Variants in FIGN observed in about 807,000 individuals in gnomAD.
FIGN encodes fidgetin.
A neutral mutation model predicts 51.3 loss-of-function variants in FIGN; 11 were observed. The ratio of observed to expected loss-of-function variants is 0.21; its 90% CI spans 0.13 to 0.35. The LOEUF (loss-of-function observed/expected upper bound fraction) is 0.35, where lower values mean the gene tolerates loss of function less well. Among genes scored for constraint, FIGN ranks in the 10% least tolerant of loss-of-function variants. FIGN has a pLI of 1.00. For synonymous variants in FIGN, 407 were observed against 363.2 expected, an observed-to-expected ratio of 1.12 and a Z score of -1.37; for missense variants, 857 against 943.6, an observed-to-expected ratio of 0.91 and a Z score of 1.20.
At chr2:163,696,544 A>G (rs535772672) in intron 2 of FIGN, among the ~76,000 whole-genome samples, 4 of 152,262 alleles carry the variant, frequency 2.6e-5, no homozygotes, top group African/African-American at 7.2e-5. Context: ...TGGAGATTCA[A>G]CATTAATTTT....
chr2:163,649,762 G>A (rs1188475080), intron 2 of FIGN, among the ~76,000 whole-genome samples: 1 of 152,214 alleles, frequency 6.6e-6, no homozygotes, highest in Non-Finnish European at 1.5e-5. Flanking sequence ...CAGAATTGAA[G>A]CCAAGGGTAA....
chr2:163,732,174 CAT>C (rs1275626567), intron 2 of FIGN, among the ~76,000 whole-genome samples: 2 of 152,142 alleles, frequency 1.3e-5, no homozygotes, highest in African/African-American at 4.8e-5. Flanking sequence ...TTCAAGAACA[CAT>C]AGCATGTTTA....
chr2:163,624,708 A>ATATATTTTTT (rs564288395), intron 2 of FIGN, among the ~76,000 whole-genome samples: 7 of 145,494 alleles, frequency 4.8e-5, no homozygotes, highest in African/African-American at 1.8e-4. Flanking sequence ...ATATATATAT[A>ATATATTTTTT]TTTTTTTTTT....
At chr2:163,655,469 G>T (rs944327882) in intron 2 of FIGN, among the ~76,000 whole-genome samples, 15 of 152,110 alleles carry the variant, frequency 9.9e-5, no homozygotes, top group African/African-American at 3.6e-4. Context: ...AATCTACACA[G>T]TTCAGAAACA....
At chr2:163,707,419 G>A (rs1020844) in intron 2 of FIGN, among the ~76,000 whole-genome samples, 145,124 of 152,170 alleles carry the variant, frequency 0.95, 69,243 homozygotes, top group Middle Eastern at 0.99. Context: ...ATTCTCTAGT[G>A]GGTAAACTCT....
chr2:163,610,348 T>C lies in FIGN; in HGVS notation c.1484A>G (p.Lys495Arg). ...TAAAACCTCCTCTTTAATGACAGCCTTCACCAGGTCGAGACCAGCAATGTC... is the reference window on the plus strand; with the variant it reads ...TAAAACCTCCTCTTTAATGACAGCCCTCACCAGGTCGAGACCAGCAATGTC... ...WNDIAGLDLV[K>R]AVIKEEVLWP... Residue 495 changes from lysine (K) to arginine (R), a missense_variant, in exon 3 of 3, where the codon AAG becomes AGG. Lys to Arg is a conservative substitution (Grantham distance 26). Around this residue, in one of 3 missense-constraint regions of FIGN, gnomAD observed 799 missense variants for 849.5 expected, o/e 0.94. Coordinates refer to ENST00000333129, the MANE Select transcript of FIGN (RefSeq NM_018086.4). 6.2e-7 allele frequency: 1 copy of C among 1,614,142 alleles called. No homozygotes were observed. Among genetic ancestry groups the C allele is most frequent in the Non-Finnish European group, 8.5e-7 (1 of 1,180,014 alleles).
chr2:163,627,866 C>T (rs899570966), intron 2 of FIGN, among the ~76,000 whole-genome samples: 26 of 152,156 alleles, frequency 1.7e-4, no homozygotes, highest in African/African-American at 6.3e-4. Context: ...CCATTGCTCA[C>T]CTTTGGCTTT....
intron 2 of FIGN, among the ~76,000 whole-genome samples, chr2:163,702,948 C>T (rs1684432112): frequency 6.6e-6 from 1 of 151,854 alleles, no homozygotes; most frequent in African/African-American, 2.4e-5. Context: ...TTTTCCTTTG[C>T]CCCATACTAA....
intron 2 of FIGN, among the ~76,000 whole-genome samples, chr2:163,643,996 C>A: frequency 8.4e-6 from 1 of 119,414 alleles, no homozygotes; most frequent in Admixed American, 9.2e-5. Context: ...GAGACCTAAA[C>A]CTAAAGGTAG....
intron 2 of FIGN, among the ~76,000 whole-genome samples, chr2:163,727,090 T>C (rs1235174778): frequency 6.6e-6 from 1 of 152,066 alleles, no homozygotes; most frequent in Non-Finnish European, 1.5e-5. Flanking sequence ...GTTTACAATC[T>C]TCAATTTGAA....
At chr2:163,662,025 G>C (rs1417301684) in intron 2 of FIGN, among the ~76,000 whole-genome samples, 1 of 152,192 alleles carries the variant, frequency 6.6e-6, no homozygotes, top group East Asian at 1.9e-4. Flanking sequence ...TTTGGAACTT[G>C]GTAACAGGCA....
At chr2:163,653,911 A>G (rs1683517938) in intron 2 of FIGN, among the ~76,000 whole-genome samples, 1 of 152,140 alleles carries the variant, frequency 6.6e-6, no homozygotes, top group African/African-American at 2.4e-5. Flanking sequence ...GGATTTTTTA[A>G]AAGATCTATG....
At chr2:163,638,448 CAG>C (rs1275427496) in intron 2 of FIGN, among the ~76,000 whole-genome samples, 5 of 151,776 alleles carry the variant, frequency 3.3e-5, no homozygotes, top group African/African-American at 1.2e-4. Context: ...TAATTGCTCA[CAG>C]AGTCAATTAG....
intron 2 of FIGN, among the ~76,000 whole-genome samples, chr2:163,658,601 C>A (rs1316067986): frequency 6.6e-6 from 1 of 152,004 alleles, no homozygotes; most frequent in East Asian, 1.9e-4. Context: ...TCTGACATGG[C>A]AAGAAAGAGA....
chr2:163,669,867 T>A (rs1683847510), intron 2 of FIGN, among the ~76,000 whole-genome samples: 1 of 152,182 alleles, frequency 6.6e-6, no homozygotes, highest in African/African-American at 2.4e-5. Context: ...AAAATGATTA[T>A]CCTTAGAACA....
intron 2 of FIGN, among the ~76,000 whole-genome samples, chr2:163,666,783 A>G (rs1683780753): frequency 6.6e-6 from 1 of 152,092 alleles, no homozygotes; most frequent in Non-Finnish European, 1.5e-5. Flanking sequence ...GAAGTACCAT[A>G]ATCACACAGC....
intron 2 of FIGN, among the ~76,000 whole-genome samples, chr2:163,717,120 T>C (rs1684678842): frequency 6.6e-6 from 1 of 152,162 alleles, no homozygotes; most frequent in Non-Finnish European, 1.5e-5. Flanking sequence ...AAATGCATGA[T>C]AAAAAGAGGA....
intron 2 of FIGN, among the ~76,000 whole-genome samples, chr2:163,682,923 T>A (rs1684088563): frequency 1.3e-5 from 2 of 152,182 alleles, no homozygotes; most frequent in Admixed American, 1.3e-4. Context: ...GTTTCCTCCC[T>A]TGTGAAATGA....
rs397952314 is a variant in FIGN, at chr2:163,667,338, C to CAAAA, written c.26-55536_26-55533dup. The stretch of plus-strand genomic sequence containing the variant: ...GAATCCCTTTTCCATACTATCCCCA[C>CAAAA]AAAAAAAAAAAAAAAACTTTTCTAA... On this transcript the variant is annotated intron_variant, in intron 2 of 2. Transcript: ENST00000333129. 3.9e-3 allele frequency among the ~76,000 whole-genome samples: 496 copies of CAAAA among 127,472 alleles called. 10 individuals are homozygous for CAAAA. Among genetic ancestry groups the CAAAA allele is most frequent in the East Asian group, 8.3e-3 (36 of 4,342 alleles). The allele number at this position is 127,472 out of a possible 152,430, so 83.6% of individuals were successfully genotyped here. A position where few individuals can be genotyped will look rare whatever the true frequency, so the allele number is the denominator to read the frequency against.
Sources: allele counts gnomAD v4.1 joint callset (sites outside exome capture counted in the v4.1 genomes callset), GRCh38; gene constraint gnomAD v4.1.1; regional missense constraint gnomAD v4.1.1; transcripts MANE v1.5; gene names NCBI Gene and HGNC (gene_info 2026-07-23, HGNC 2026-07-21).